SHOC1: variants seen among roughly 807,000 people sequenced by gnomAD.
SHOC1 encodes shortage in chiasmata 1.
Under a neutral mutation model 179.2 loss-of-function variants are expected in SHOC1, and 136 were observed. The ratio of observed to expected loss-of-function variants is 0.76; its 90% CI spans 0.66 to 0.87. The LOEUF (loss-of-function observed/expected upper bound fraction) is 0.87. SHOC1 is among the 40% of genes least tolerant of loss of function. SHOC1 has a pLI of 0.00. For synonymous variants in SHOC1, 489 were observed against 586.6 expected, an observed-to-expected ratio of 0.83 and a Z score of 2.41; for missense variants, 1,538 against 1,700.8, an observed-to-expected ratio of 0.90 and a Z score of 1.68.
At chr9:111,706,898 CT>C in intron 19 of SHOC1, 152 bp from the exon 20 acceptor site, 1 of 455,610 alleles carries the variant, frequency 2.2e-6, no homozygotes, top group Non-Finnish European at 3.8e-6. Flanking sequence ...TTGATTTGCT[CT>C]TCAATAGTGT....
At position 111,722,449 on chromosome 9, in the gene SHOC1, T is replaced by G. The variant is rs146377451; in HGVS notation, c.2091A>C (p.Leu697Phe). Residue 697 changes from leucine (L) to phenylalanine (F), a missense_variant, in exon 15 of 28, where the codon TTA (leucine) becomes TTC (phenylalanine). Leu to Phe is a conservative substitution (Grantham distance 22, BLOSUM62 0). Transcript: ENST00000682961. ...CACTTACTACTTTTTCTTGTTCCTT[T>G]AAGAGAAACCTTGTTTGGTCAAAAA... ...TVIFDQTRFL[L>F]KEQEKVVSDA... 46 of 1,610,588 alleles carry G rather than the reference T, an allele frequency of 2.9e-5. No individual in the cohort carries two copies. The highest frequency in any genetic ancestry group is 1.6e-4 in the Middle Eastern group (1 of 6,080).
chr9:111,782,545 G>A (rs1360765981), intron 3 of SHOC1, among the ~76,000 whole-genome samples: 1 of 151,824 alleles, frequency 6.6e-6, no homozygotes, highest in Non-Finnish European at 1.5e-5. Flanking sequence ...TACACTTTCT[G>A]TGTATGTACA....
In SHOC1 at chr9:111,722,530, T is replaced by C. The variant is rs1833107722; in HGVS notation, c.2010A>G (p.Lys670=). 2 of 1,609,518 alleles carry C rather than the reference T, an allele frequency of 1.2e-6. No homozygotes were observed. Among genetic ancestry groups the C allele is most frequent in the East Asian group, 4.5e-5 (2 of 44,710 alleles). ...LLEAAASPIL[K]NLVSLCTLPT... is the part of the protein sequence containing the mutation. ...GGAGGGTACACAAGGATACAAGGTT[T>C]TTTAAGATAGGAGAAGCTGCTGCTT... The change falls in exon 15 of 28, where the codon AAA becomes AAG. Residue 670 remains lysine (K), a synonymous_variant. Coordinates refer to ENST00000682961, the MANE Select transcript of SHOC1 (RefSeq NM_001378211.1).
chr9:111,794,041 G>A (rs1314870499), intron 1 of SHOC1, among the ~76,000 whole-genome samples: 4 of 151,230 alleles, frequency 2.6e-5, no homozygotes, highest in East Asian at 2.0e-4. Flanking sequence ...TAATAGAGAC[G>A]GGGTTTCGCC....
At chr9:111,779,488 C>T (rs574695252) in intron 4 of SHOC1, among the ~76,000 whole-genome samples, 1 of 152,132 alleles carries the variant, frequency 6.6e-6, no homozygotes, top group Non-Finnish European at 1.5e-5. Flanking sequence ...ATTGCATATT[C>T]CTGTGTCTAT....
chr9:111,759,131 G>T, intron 5 of SHOC1: 1 of 1,579,166 alleles, frequency 6.3e-7, no homozygotes. Context: ...ATTAATCAAT[G>T]GAGGAAAATA....
chr9:111,693,920 C>G lies in SHOC1; in HGVS notation c.3344G>C (p.Cys1115Ser). ...EEEMYLLDFPCINPLVAQLML... is the reference protein window; with the variant it reads ...EEEMYLLDFPSINPLVAQLML... Reference sequence around the variant, plus strand: ...GAGCTGAGCCACCAATGGGTTAATACATGGAAAATCAAGTAAGTACATTTC... The same window carrying G: ...GAGCTGAGCCACCAATGGGTTAATAGATGGAAAATCAAGTAAGTACATTTC... Residue 1115 changes from cysteine (C) to serine (S), a missense_variant, in exon 26 of 28, where the codon TGT becomes TCT. Cys to Ser is a moderately radical substitution (Grantham distance 112, BLOSUM62 -1). Transcript: ENST00000682961. The G allele has an allele frequency of 6.2e-7, 1 of 1,611,206 alleles. No homozygotes were observed. The highest frequency in any genetic ancestry group is 8.5e-7 in the Non-Finnish European group (1 of 1,178,056).
Position 111,758,781 on chromosome 9 carries a change from A to G in SHOC1, c.510T>C (p.Thr170=), listed in dbSNP as rs902223867. 6 of 1,599,144 alleles carry G rather than the reference A, an allele frequency of 3.8e-6. No individual in the cohort carries two copies. The highest frequency in any genetic ancestry group is 5.1e-6 in the Non-Finnish European group (6 of 1,170,994). The change falls in exon 6 of 28, where the codon ACT becomes ACC. Residue 170 remains threonine, a synonymous_variant. Transcript: ENST00000682961. ...SSRKHLPTLP[T]LLSRLKLFLV... ...AAAACAGTTTTAGTCTACTCAAGAG[A>G]GTAGGCAAAGTTGGTAGGTGTTTTC...
At chr9:111,779,202 A>G (rs1835946351) in intron 4 of SHOC1, among the ~76,000 whole-genome samples, 1 of 152,148 alleles carries the variant, frequency 6.6e-6, no homozygotes, top group Non-Finnish European at 1.5e-5. Context: ...AAAGAAACCA[A>G]TCACAATAAA....
Position 111,756,481 on chromosome 9 carries a change from GA to G in SHOC1, c.709-4del, listed in dbSNP as rs777483173. The G allele has an allele frequency of 1.9e-6, 3 of 1,584,810 alleles. No individual in the cohort carries two copies. Among genetic ancestry groups the G allele is most frequent in the Admixed American group, 2.0e-5 (1 of 50,864 alleles). On this transcript the variant is annotated splice_polypyrimidine_tract_variant and splice_region_variant and intron_variant, in intron 7 of 27. Coordinates refer to ENST00000682961, the MANE Select transcript of SHOC1 (RefSeq NM_001378211.1). The stretch of plus-strand genomic sequence containing the variant: ...TACTCAATAAGAAAACTTGACGGCT[GA>G]AAAAACATAGTTTAAAAAAGTTTTT...
In SHOC1 at chr9:111,780,912, G is replaced by T; in HGVS notation, c.257+18C>A. The T allele has an allele frequency of 6.3e-7, 1 of 1,575,488 alleles. No homozygotes were observed. Among genetic ancestry groups the T allele is most frequent in the Non-Finnish European group, 8.7e-7 (1 of 1,148,204 alleles). Reference sequence around the variant, plus strand: ...TCTACTAGATGTAAAAGAGAAATTTGAGATTAAGGATACATACTTCTCAAG... The same window carrying T: ...TCTACTAGATGTAAAAGAGAAATTTTAGATTAAGGATACATACTTCTCAAG... On this transcript the variant is annotated intron_variant, in intron 4 of 27. Coordinates refer to ENST00000682961, the MANE Select transcript of SHOC1 (RefSeq NM_001378211.1).
intron 5 of SHOC1, among the ~76,000 whole-genome samples, chr9:111,765,600 CAAAACAAAACA>C (rs200122680): frequency 0.013 from 2,009 of 150,878 alleles, 54 homozygotes; most frequent in African/African-American, 0.046. Flanking sequence ...AAAAACAAAA[CAAAACAAAACA>C]AAAACAAAAC....
chr9:111,693,405 T>C (rs185242672), intron 26 of SHOC1, among the ~76,000 whole-genome samples: 1 of 116,930 alleles, frequency 8.6e-6, no homozygotes, highest in African/African-American at 3.3e-5. Flanking sequence ...ACCAAGATGG[T>C]GAAACCCCGT....
chr9:111,704,832 A>G (rs2181147), intron 21 of SHOC1, among the ~76,000 whole-genome samples: 1 of 152,004 alleles, frequency 6.6e-6, no homozygotes, highest in African/African-American at 2.4e-5. Flanking sequence ...GTAAAGTTCT[A>G]TAAACAAGAA....
chr9:111,753,267 C>T (rs1834687594), intron 8 of SHOC1, among the ~76,000 whole-genome samples: 1 of 152,138 alleles, frequency 6.6e-6, no homozygotes, highest in African/African-American at 2.4e-5. Context: ...TACTTAGCTC[C>T]TCCTAAAAAT....
intron 8 of SHOC1, among the ~76,000 whole-genome samples, chr9:111,755,633 G>A (rs1434106161): frequency 6.6e-6 from 1 of 152,070 alleles, no homozygotes; most frequent in South Asian, 2.1e-4. Flanking sequence ...TTGACTCCAC[G>A]AATCCATACT....
chr9:111,767,914 T>C (rs74542383), intron 5 of SHOC1, among the ~76,000 whole-genome samples: 2,105 of 152,266 alleles, frequency 0.014, 16 homozygotes, highest in Middle Eastern at 0.034. Context: ...ACTTCTTTGG[T>C]ATTTTGATAG....
At chr9:111,766,505 G>A (rs1234438200) in intron 5 of SHOC1, among the ~76,000 whole-genome samples, 1 of 152,106 alleles carries the variant, frequency 6.6e-6, no homozygotes, top group African/African-American at 2.4e-5. Flanking sequence ...TCCACAAATG[G>A]TGTACAAGAG....
At chr9:111,700,611 G>A (rs916104054) in intron 23 of SHOC1, among the ~76,000 whole-genome samples, 6 of 152,082 alleles carry the variant, frequency 3.9e-5, no homozygotes, top group Middle Eastern at 3.2e-3. Context: ...AAGTCCAGAG[G>A]AAGCCATTGT....
Sources: gnomAD v4.1 joint callset for allele counts (sites outside exome capture counted in the v4.1 genomes callset) on GRCh38, gnomAD v4.1.1 for gene constraint, MANE v1.5 for transcripts, NCBI Gene and HGNC (gene_info 2026-07-23, HGNC 2026-07-21) for gene names.